Variants in SPACA7 observed in about 807,000 individuals in gnomAD.
The protein encoded by SPACA7 is sperm acrosome associated 7.
In SPACA7, 19 loss-of-function variants were observed where a neutral mutation model predicts 26.3. The ratio of observed to expected loss-of-function variants is 0.72; its 90% CI spans 0.50 to 1.06. SPACA7 has a LOEUF of 1.06. SPACA7 is among the 50% of genes least tolerant of loss of function. SPACA7 has a pLI of 0.00. For synonymous variants in SPACA7, 84 were observed against 84.5 expected (o/e 0.99, Z 0.04); for missense variants, 211 against 229.9 (o/e 0.92, Z 0.53).
At chr13:112,421,488 GAACA>G (rs1318192969) in intron 5 of SPACA7, among the ~76,000 whole-genome samples, 1 of 152,224 alleles carries the variant, frequency 6.6e-6, no homozygotes, top group South Asian at 2.1e-4. Context: ...AAGAAATAAA[GAACA>G]GACAAGGCAA....
rs780031272 is a variant in SPACA7, at chr13:112,413,743, G to T, written c.445+12579G>T. On this transcript the variant is annotated intron_variant, in intron 5 of 6. Transcript: ENST00000283550. ...GATTTGCCCTTTCTTGATTTCATAAGTGTTCTGCATTGCTTTTTATTTTCC... is the reference window on the plus strand; with the variant it reads ...GATTTGCCCTTTCTTGATTTCATAATTGTTCTGCATTGCTTTTTATTTTCC... Among the ~76,000 whole-genome samples the T allele has an allele frequency of 2.0e-5, 3 of 152,146 alleles. No homozygotes were observed. In the East Asian group the frequency reaches 5.8e-4, roughly 29 times the overall value.
chr13:112,420,785 A>T (rs879274945), intron 5 of SPACA7, among the ~76,000 whole-genome samples: 1 of 152,166 alleles, frequency 6.6e-6, no homozygotes, highest in Non-Finnish European at 1.5e-5. Flanking sequence ...ATCATATTTA[A>T]GTTGAAATTT....
At chr13:112,388,222 C>A (rs1460586763) in intron 1 of SPACA7, among the ~76,000 whole-genome samples, 1 of 152,196 alleles carries the variant, frequency 6.6e-6, no homozygotes, top group African/African-American at 2.4e-5. Context: ...AAACTATCCT[C>A]CTATTCTCCA....
At chr13:112,389,304 G>T (rs980782370) in intron 1 of SPACA7, among the ~76,000 whole-genome samples, 2 of 152,108 alleles carry the variant, frequency 1.3e-5, no homozygotes, top group Admixed American at 1.3e-4. Flanking sequence ...TACAAAGGTG[G>T]CTTCACTATA....
intron 5 of SPACA7, among the ~76,000 whole-genome samples, chr13:112,414,201 C>A (rs1886528789): frequency 6.6e-6 from 1 of 152,076 alleles, no homozygotes; most frequent in East Asian, 1.9e-4. Context: ...GACAAACATT[C>A]AAACTATATC....
At chr13:112,412,942 TAAAC>T (rs950307545) in intron 5 of SPACA7, among the ~76,000 whole-genome samples, 9 of 152,090 alleles carry the variant, frequency 5.9e-5, no homozygotes, top group African/African-American at 1.9e-4. Context: ...GAAAAGAAAA[TAAAC>T]AAGCAAAGAA....
At chr13:112,394,569 G>A (rs1486620322) in intron 2 of SPACA7, among the ~76,000 whole-genome samples, 3 of 151,928 alleles carry the variant, frequency 2.0e-5, no homozygotes, top group African/African-American at 7.3e-5. Context: ...TGTTTGATGG[G>A]TTAGGTGGAT....
intron 5 of SPACA7, among the ~76,000 whole-genome samples, chr13:112,409,541 A>G (rs1207811486): frequency 6.6e-6 from 1 of 152,160 alleles, no homozygotes; most frequent in Non-Finnish European, 1.5e-5. Flanking sequence ...CAACCCCATC[A>G]AAAAGTGGGT....
intron 5 of SPACA7, among the ~76,000 whole-genome samples, chr13:112,406,789 G>A (rs4907523): frequency 0.27 from 40,432 of 151,894 alleles, 6,161 homozygotes; most frequent in Non-Finnish European, 0.35. Flanking sequence ...TGTTACATTC[G>A]CTATGTTTCT....
intron 2 of SPACA7, 128 bp from the exon 3 acceptor site, chr13:112,397,921 C>T: frequency 3.5e-6 from 2 of 573,190 alleles, no homozygotes; most frequent in Non-Finnish European, 3.1e-6. Flanking sequence ...CCCCTGGGTT[C>T]CCGGAGTTCC....
At chr13:112,413,355 G>A (rs1373256210) in intron 5 of SPACA7, among the ~76,000 whole-genome samples, 1 of 132,378 alleles carries the variant, frequency 7.6e-6, no homozygotes, top group Non-Finnish European at 1.6e-5. Context: ...GAGCATTCTT[G>A]GTTGGAAGAG....
chr13:112,388,575 C>T (rs1884680029), intron 1 of SPACA7, among the ~76,000 whole-genome samples: 1 of 152,162 alleles, frequency 6.6e-6, no homozygotes, highest in Non-Finnish European at 1.5e-5. Context: ...GAAGGGGGGC[C>T]ACTGAACCAT....
intron 5 of SPACA7, among the ~76,000 whole-genome samples, chr13:112,417,411 T>C (rs1886762309): frequency 6.6e-6 from 1 of 152,192 alleles, no homozygotes; most frequent in African/African-American, 2.4e-5. Context: ...TTAAGTTATA[T>C]CAGTATTGAA....
At chr13:112,431,533 CA>C (rs1877134617) in intron 5 of SPACA7, among the ~76,000 whole-genome samples, 1 of 152,146 alleles carries the variant, frequency 6.6e-6, no homozygotes, top group Non-Finnish European at 1.5e-5. Flanking sequence ...CTCATTTACT[CA>C]GCAATACCTG....
At chr13:112,416,959 T>A (rs1329147126) in intron 5 of SPACA7, among the ~76,000 whole-genome samples, 2 of 152,180 alleles carry the variant, frequency 1.3e-5, no homozygotes, top group Non-Finnish European at 2.9e-5. Flanking sequence ...CTCTTGTATG[T>A]TTAAGTTGAT....
chr13:112,425,164 G>A (rs375129745), intron 5 of SPACA7, among the ~76,000 whole-genome samples: 130 of 152,308 alleles, frequency 8.5e-4, no homozygotes, highest in African/African-American at 2.9e-3. Flanking sequence ...TGGCGTGGGC[G>A]CCCGGATCCA....
At chr13:112,385,896 A>AT (rs750319340) in intron 1 of SPACA7, among the ~76,000 whole-genome samples, 18 of 152,166 alleles carry the variant, frequency 1.2e-4, no homozygotes, top group Non-Finnish European at 2.6e-4. Flanking sequence ...CACTTGTAAG[A>AT]TTTTTCATTG....
chr13:112,434,635 C>A lies in SPACA7; in HGVS notation c.*86C>A, dbSNP rs1175699279. 4.7e-6 allele frequency: 5 copies of A among 1,057,076 alleles called. No homozygotes were observed. The highest frequency in any genetic ancestry group is 7.1e-6 in the Non-Finnish European group (5 of 700,054). 65.5% of individuals were successfully genotyped at this position (1,057,076 alleles called of 1,614,324 possible). On this transcript the variant is annotated 3_prime_UTR_variant, in exon 7 of 7. Coordinates refer to ENST00000283550, the MANE Select transcript of SPACA7 (RefSeq NM_145248.5). ...CTCCGGAACAGGGCACTTGTGTGCACACGCCCACGTTCTCTGAACCATTCC... is the reference window on the plus strand; with the variant it reads ...CTCCGGAACAGGGCACTTGTGTGCAAACGCCCACGTTCTCTGAACCATTCC...
intron 1 of SPACA7, among the ~76,000 whole-genome samples, chr13:112,387,627 G>A (rs187880175): frequency 7.9e-5 from 12 of 152,116 alleles, no homozygotes; most frequent in South Asian, 4.2e-4. Context: ...CCTTTTTATC[G>A]GCATACCAGG....
Sources: gnomAD v4.1 joint callset for allele counts (sites outside exome capture counted in the v4.1 genomes callset) on GRCh38, gnomAD v4.1.1 for gene constraint, MANE v1.5 for transcripts, NCBI Gene and HGNC (gene_info 2026-07-23, HGNC 2026-07-21) for gene names.